Variants in MAGI2 observed in about 807,000 individuals in gnomAD.
The protein encoded by MAGI2 is membrane-associated guanylate kinase, WW and PDZ domain-containing protein 2.
MAGI2 carries 35 observed loss-of-function variants against 133.3 expected under a neutral mutation model. That is an observed-to-expected ratio of 0.26 (90% CI 0.20 to 0.35). The LOEUF (loss-of-function observed/expected upper bound fraction) is 0.35. Among genes scored for constraint, MAGI2 ranks in the 10% least tolerant of loss-of-function variants. MAGI2 has a pLI of 1.00. For missense variants in MAGI2, 1,636 were observed against 1,863.4 expected (o/e 0.88, Z 2.25); for synonymous variants, 729 against 710.6 (o/e 1.03, Z -0.41).
intron 1 of MAGI2, among the ~76,000 whole-genome samples, chr7:79,334,706 T>C (rs556178322): frequency 1.3e-5 from 2 of 152,196 alleles, no homozygotes; most frequent in Admixed American, 6.5e-5. Flanking sequence ...GAGAGCTTAG[T>C]TGACAATTTA....
chr7:78,735,386 C>G (rs1214739806), intron 2 of MAGI2, among the ~76,000 whole-genome samples: 1 of 152,108 alleles, frequency 6.6e-6, no homozygotes. Flanking sequence ...ACAACAGTAA[C>G]AGCTAACTGG....
chr7:78,060,250 C>CT (rs1563067532), intron 21 of MAGI2, among the ~76,000 whole-genome samples: 1 of 113,000 alleles, frequency 8.8e-6, no homozygotes, highest in East Asian at 3.5e-4. Context: ...AGGGACCCCC[C>CT]CCCCTCTTTA....
At position 78,311,855 on chromosome 7, in the gene MAGI2, C is replaced by T. The variant is rs148230639; in HGVS notation, c.1408+31923G>A. Reference sequence around the variant, plus strand: ...GCACGATCTAGGCTCACTGCAACCTCTGCCTCCCGGATTGAAGTGATTCTC... The same window carrying T: ...GCACGATCTAGGCTCACTGCAACCTTTGCCTCCCGGATTGAAGTGATTCTC... On this transcript the variant is annotated intron_variant, in intron 9 of 21. Transcript: ENST00000354212. Among the ~76,000 whole-genome samples, 350 of 151,864 alleles carry T rather than the reference C, an allele frequency of 2.3e-3. 2 individuals are homozygous for T. Among genetic ancestry groups the T allele is most frequent in the African/African-American group, 8.0e-3 (331 of 41,352 alleles).
intron 19 of MAGI2, among the ~76,000 whole-genome samples, chr7:78,126,810 T>A (rs1345400408): frequency 5.3e-5 from 8 of 152,102 alleles, no homozygotes; most frequent in Admixed American, 5.2e-4. Flanking sequence ...GGACCTAAAA[T>A]ACCTCCACTG....
intron 2 of MAGI2, among the ~76,000 whole-genome samples, chr7:78,979,124 G>T (rs1308133600): frequency 6.6e-6 from 1 of 151,772 alleles, no homozygotes; most frequent in African/African-American, 2.4e-5. Flanking sequence ...GTATGCATGT[G>T]GATTAGAACA....
chr7:79,280,359 G>C (rs2129557902), intron 1 of MAGI2, among the ~76,000 whole-genome samples: 1 of 152,108 alleles, frequency 6.6e-6, no homozygotes, highest in East Asian at 1.9e-4. Flanking sequence ...TGACAACCAG[G>C]TGGTAGGGTT....
chr7:78,044,152 A>G (rs1249700664), intron 21 of MAGI2, among the ~76,000 whole-genome samples: 1 of 152,126 alleles, frequency 6.6e-6, no homozygotes, highest in Non-Finnish European at 1.5e-5. Context: ...GACTCCCCCA[A>G]CTCCAAAATT....
chr7:78,878,333 A>G (rs1245143691), intron 2 of MAGI2, among the ~76,000 whole-genome samples: 1 of 152,144 alleles, frequency 6.6e-6, no homozygotes, highest in Non-Finnish European at 1.5e-5. Flanking sequence ...CTGCGTTTTC[A>G]TTTTACACTG....
intron 9 of MAGI2, among the ~76,000 whole-genome samples, chr7:78,310,436 A>C (rs1406750672): frequency 6.6e-6 from 1 of 152,218 alleles, no homozygotes; most frequent in Non-Finnish European, 1.5e-5. Flanking sequence ...TCCAGCTCAA[A>C]AAAATAAAAA....
chr7:78,178,627 C>T (rs1272927629), intron 13 of MAGI2, among the ~76,000 whole-genome samples: 1 of 150,786 alleles, frequency 6.6e-6, no homozygotes, highest in Non-Finnish European at 1.5e-5. Context: ...AAACGTATGC[C>T]CAATAGAAGT....
chr7:79,248,782 TAAG>T (rs1833001927), intron 1 of MAGI2, among the ~76,000 whole-genome samples: 1 of 152,038 alleles, frequency 6.6e-6, no homozygotes, highest in Non-Finnish European at 1.5e-5. Context: ...ATAAAGAAAT[TAAG>T]AAGAAAATTG....
chr7:78,600,697 G>A (rs1428258238), intron 3 of MAGI2, among the ~76,000 whole-genome samples: 4 of 152,254 alleles, frequency 2.6e-5, no homozygotes, highest in African/African-American at 7.2e-5. Context: ...AAGCATCGGT[G>A]AATTTAATAA....
intron 3 of MAGI2, among the ~76,000 whole-genome samples, chr7:78,575,200 T>G (rs1408919562): frequency 6.6e-6 from 1 of 152,108 alleles, no homozygotes; most frequent in Non-Finnish European, 1.5e-5. Flanking sequence ...ACTATCACTA[T>G]CATTCCATTT....
At chr7:78,825,965 G>A (rs1235710581) in intron 2 of MAGI2, among the ~76,000 whole-genome samples, 1 of 152,092 alleles carries the variant, frequency 6.6e-6, no homozygotes, top group African/African-American at 2.4e-5. Context: ...ATAGGTAAAT[G>A]GATAAACAGA....
chr7:78,150,749 C>A (rs1208043507), intron 16 of MAGI2, among the ~76,000 whole-genome samples: 1 of 152,164 alleles, frequency 6.6e-6, no homozygotes, highest in East Asian at 1.9e-4. Context: ...ATAATAAGAA[C>A]TCTCCTGAAA....
intron 2 of MAGI2, among the ~76,000 whole-genome samples, chr7:78,971,196 T>G (rs1803757575): frequency 6.6e-6 from 1 of 151,954 alleles, no homozygotes; most frequent in African/African-American, 2.4e-5. Flanking sequence ...TACAAGAAAG[T>G]GTGGTCAAGG....
intron 2 of MAGI2, among the ~76,000 whole-genome samples, chr7:78,768,005 AT>A (rs1825202209): frequency 6.6e-6 from 1 of 152,118 alleles, no homozygotes; most frequent in Admixed American, 6.5e-5. Flanking sequence ...GCTGTGAACT[AT>A]TTTCTACAGT....
chr7:79,002,860 A>AGT (rs4021172), intron 2 of MAGI2, among the ~76,000 whole-genome samples: 12,750 of 133,494 alleles, frequency 0.096, 635 homozygotes, highest in Admixed American at 0.12. Context: ...TTTATTGAAA[A>AGT]GTGTGTGTGT....
At chr7:78,162,539 A>C (rs975336125) in intron 15 of MAGI2, among the ~76,000 whole-genome samples, 32 of 151,230 alleles carry the variant, frequency 2.1e-4, no homozygotes, top group African/African-American at 6.8e-4. Context: ...AAAAAAAACA[A>C]AAAACAAAAA....
Sources: allele counts gnomAD v4.1 joint callset (sites outside exome capture counted in the v4.1 genomes callset), GRCh38; gene constraint gnomAD v4.1.1; transcripts MANE v1.5; gene names NCBI Gene and HGNC (gene_info 2026-07-23, HGNC 2026-07-21).